CFAP47: variants seen among roughly 807,000 people sequenced by gnomAD.
The protein encoded by CFAP47 is cilia- and flagella-associated protein 47.
CFAP47 carries 29 observed loss-of-function variants against 148.1 expected under a neutral mutation model. That is an observed-to-expected ratio of 0.20 (90% confidence interval 0.15 to 0.27). The LOEUF (loss-of-function observed/expected upper bound fraction) is 0.27, where lower values mean the gene tolerates loss of function less well. Among genes scored for constraint, CFAP47 ranks in the 10% least tolerant of loss-of-function variants. CFAP47 has a pLI of 1.00. For missense variants in CFAP47, 1,872 were observed against 1,697.5 expected (o/e 1.10, Z -1.81); for synonymous variants, 664 against 577.3 (o/e 1.15, Z -2.15).
rs782553940 is a variant in CFAP47, at chrX:36,339,594, T to G, written c.8444-8535T>G. Among the ~76,000 whole-genome samples, 8 of 111,512 alleles carry G rather than the reference T, an allele frequency of 7.2e-5. 1 individual carries two copies. Among genetic ancestry groups the G allele is most frequent in the Non-Finnish European group, 1.1e-4 (6 of 53,110 alleles). On this transcript the variant is annotated intron_variant, in intron 57 of 63. Coordinates refer to ENST00000378653, the MANE Select transcript of CFAP47 (RefSeq NM_001304548.2). ...ATGTGTAAAGCCAGAAACCCTTCCC[T>G]GTTATACATGTCAGTGGTTATGCAA...
chrX:36,024,620 A>G (rs1283634581), intron 22 of CFAP47, among the ~76,000 whole-genome samples: 1 of 111,249 alleles, frequency 9.0e-6, no homozygotes, highest in East Asian at 2.8e-4. Flanking sequence ...TCAGTTTTCG[A>G]CTACTGGGAT....
chrX:36,356,709 A>T (rs1941788996), intron 60 of CFAP47, among the ~76,000 whole-genome samples: 1 of 111,531 alleles, frequency 9.0e-6, no homozygotes, highest in African/African-American at 3.3e-5. Context: ...GCACATTAAG[A>T]ATAGGAGTCA....
intron 33 of CFAP47, among the ~76,000 whole-genome samples, chrX:36,123,484 C>CTGG (rs746190476): frequency 8.9e-6 from 1 of 111,878 alleles, no homozygotes; most frequent in South Asian, 3.8e-4. Context: ...TGCAGCTAAG[C>CTGG]TGGCACTAAA....
chrX:35,979,587 C>G (rs935324213), intron 15 of CFAP47, among the ~76,000 whole-genome samples: 6 of 110,511 alleles, frequency 5.4e-5, no homozygotes, highest in Non-Finnish European at 9.4e-5. Flanking sequence ...GATACTCTCT[C>G]GAAACAAAAG....
At chrX:36,042,091 G>A (rs1239131122) in intron 25 of CFAP47, among the ~76,000 whole-genome samples, 1 of 111,155 alleles carries the variant, frequency 9.0e-6, no homozygotes, top group African/African-American at 3.3e-5. Context: ...ATAAAGGTAT[G>A]TGATATAATT....
intron 56 of CFAP47, among the ~76,000 whole-genome samples, chrX:36,311,587 A>T (rs1389882520): frequency 9.0e-6 from 1 of 111,132 alleles, no homozygotes; most frequent in African/African-American, 3.3e-5. Context: ...CTTTTCAACT[A>T]TTATTACTAC....
intron 26 of CFAP47, 128 bp downstream of exon 26, chrX:36,047,191 C>A: frequency 2.0e-6 from 1 of 510,589 alleles, no homozygotes; most frequent in Non-Finnish European, 3.1e-6. Flanking sequence ...AAGATTATTT[C>A]TAAAATTCCA....
intron 15 of CFAP47, among the ~76,000 whole-genome samples, chrX:35,981,469 A>T (rs1601914658): frequency 9.1e-6 from 1 of 109,464 alleles, no homozygotes; most frequent in Non-Finnish European, 1.9e-5. Flanking sequence ...AAAAACTTGC[A>T]AACAGGAAAC....
chrX:36,066,475 C>T (rs949195595), intron 27 of CFAP47, among the ~76,000 whole-genome samples: 4 of 111,206 alleles, frequency 3.6e-5, no homozygotes, highest in African/African-American at 1.3e-4. Context: ...GAAATAGAGG[C>T]CATTAAGCAG....
At chrX:36,322,490 A>G (rs1602107929) in intron 57 of CFAP47, among the ~76,000 whole-genome samples, 1 of 111,049 alleles carries the variant, frequency 9.0e-6, no homozygotes, top group East Asian at 2.8e-4. Flanking sequence ...TATATTTACA[A>G]AACAAAAATA....
intron 39 of CFAP47, among the ~76,000 whole-genome samples, chrX:36,173,511 G>A (rs771306176): frequency 1.4e-4 from 16 of 110,869 alleles, no homozygotes; most frequent in African/African-American, 3.0e-4. Flanking sequence ...CTTTGTTCTC[G>A]TCGGTTTCAA....
At chrX:36,065,225 C>G (rs1254145675) in intron 26 of CFAP47, among the ~76,000 whole-genome samples, 1 of 111,412 alleles carries the variant, frequency 9.0e-6, no homozygotes, top group Non-Finnish European at 1.9e-5. Flanking sequence ...TTACAGCTCT[C>G]CAGATATAAA....
At chrX:36,212,648 GATA>G (rs60270813) in intron 45 of CFAP47, among the ~76,000 whole-genome samples, 2,649 of 109,631 alleles carry the variant, frequency 0.024, 85 homozygotes, top group African/African-American at 0.082. Flanking sequence ...TATTCTTTTT[GATA>G]ATATCTTAAA....
chrX:36,276,517 A>G (rs1206278916), intron 49 of CFAP47, among the ~76,000 whole-genome samples: 2 of 112,116 alleles, frequency 1.8e-5, no homozygotes, highest in Non-Finnish European at 3.8e-5. Flanking sequence ...AGCTTTAAAT[A>G]TTAAACTACA....
intron 57 of CFAP47, among the ~76,000 whole-genome samples, chrX:36,342,656 C>T (rs980409554): frequency 2.7e-5 from 3 of 111,526 alleles, no homozygotes; most frequent in Non-Finnish European, 5.7e-5. Flanking sequence ...ATTAAAACAT[C>T]AATAACATTA....
chrX:36,187,486 T>A (rs1411076747), intron 40 of CFAP47, among the ~76,000 whole-genome samples: 3 of 111,768 alleles, frequency 2.7e-5, no homozygotes, highest in Non-Finnish European at 5.6e-5. Flanking sequence ...AGAGTTCCAA[T>A]ATCAAAGAAA....
At chrX:36,344,589 C>T (rs1941681988) in intron 57 of CFAP47, among the ~76,000 whole-genome samples, 1 of 111,829 alleles carries the variant, frequency 8.9e-6, no homozygotes, top group Non-Finnish European at 1.9e-5. Flanking sequence ...TCTATACTTT[C>T]AATTTAAACG....
In CFAP47 at chrX:36,138,001, C is replaced by T; in HGVS notation, c.5364C>T (p.Asp1788=). 2 of 959,258 alleles carry T rather than the reference C, an allele frequency of 2.1e-6. No homozygotes were observed. The highest frequency in any genetic ancestry group is 3.0e-6 in the Non-Finnish European group (2 of 671,411). 79.1% of individuals were successfully genotyped at this position (959,258 alleles called of 1,213,427 possible). ...GATGGATAGTAAATTTTGACAAAGA[C>T]CTTTCAGATGGTCTTGTTTTTGCAA... ...SERWIVNFDK[D]LSDGLVFATQ... is the part of the protein sequence containing the mutation. The change falls in exon 34 of 64, where the codon GAC becomes GAT. Residue 1788 remains aspartate (D), a synonymous_variant. Transcript: ENST00000378653.
chrX:35,966,980 A>G (rs942274585), intron 9 of CFAP47, among the ~76,000 whole-genome samples: 8 of 110,066 alleles, frequency 7.3e-5, no homozygotes, highest in African/African-American at 2.3e-4. Context: ...AACATGCATC[A>G]AAATCACCTA....
Sources: gnomAD v4.1 joint callset for allele counts (sites outside exome capture counted in the v4.1 genomes callset) on GRCh38, gnomAD v4.1.1 for gene constraint, MANE v1.5 for transcripts, NCBI Gene and HGNC (gene_info 2026-07-23, HGNC 2026-07-21) for gene names.